Variants in COL6A5 observed in about 807,000 individuals in gnomAD.
The protein encoded by COL6A5 is collagen type VI alpha 5 chain, also known as collagen alpha-5(VI) chain.
A neutral mutation model predicts 65.6 loss-of-function variants in COL6A5; 48 were observed. That is an observed-to-expected ratio of 0.73 (90% CI 0.58 to 0.93). The LOEUF (loss-of-function observed/expected upper bound fraction) is 0.93. Among genes scored for constraint, COL6A5 ranks in the 40% least tolerant of loss-of-function variants. COL6A5 has a pLI of 0.00. For synonymous variants in COL6A5, 291 were observed against 322.8 expected, an observed-to-expected ratio of 0.90 and a Z score of 1.05; for missense variants, 914 against 928.3, an observed-to-expected ratio of 0.98 and a Z score of 0.20.
In COL6A5 at chr3:130,405,696, G is replaced by T. The variant is rs1419943103; in HGVS notation, c.4353+37G>T. The T allele has an allele frequency of 2.1e-6, 3 of 1,442,788 alleles. No homozygotes were observed. The Admixed American group carries it at 6.0e-5, about 29-fold the overall frequency. 89.4% of individuals were successfully genotyped at this position (1,442,788 alleles called of 1,614,324 possible). A position where few individuals can be genotyped will look rare whatever the true frequency, so the allele number is the denominator to read the frequency against. On this transcript the variant is annotated intron_variant and NMD_transcript_variant, in intron 14 of 41. Transcript: ENST00000312481. ...CTGTAAATGTTATTTCCAATTCTCTGTAACATTCTCTCCCTCTCTTTCCCC... is the reference window on the plus strand; with the variant it reads ...CTGTAAATGTTATTTCCAATTCTCTTTAACATTCTCTCCCTCTCTTTCCCC...
At position 130,417,102 on chromosome 3, in the gene COL6A5, A is replaced by C. The variant is rs1168351282; in HGVS notation, c.4887+283A>C. ...CTCTCCTTGGCCCCCACCCCCCGAC[A>C]GACCCTAGTGTGTGATGTTCCCCTC... On this transcript the variant is annotated intron_variant and NMD_transcript_variant, in intron 24 of 41. Coordinates refer to the COL6A5 transcript ENST00000312481. 3.3e-5 allele frequency among the ~76,000 whole-genome samples: 5 copies of C among 150,532 alleles called. No homozygotes were observed. The East Asian group carries it at 9.9e-4, about 30-fold the overall frequency.
intron 28 of COL6A5, 52 bp from the exon 29 acceptor site, chr3:130,423,786 C>A: frequency 7.3e-7 from 1 of 1,363,396 alleles, no homozygotes; most frequent in Non-Finnish European, 1.0e-6. Context: ...TGAAGTAGTC[C>A]CCATAGATAG....
upstream of COL6A5, among the ~76,000 whole-genome samples, chr3:130,427,554 T>A (rs1339250687): frequency 6.6e-6 from 1 of 152,066 alleles, no homozygotes; most frequent in African/African-American, 2.4e-5. Context: ...AGTTTACATA[T>A]TTTAGGGGTA....
At chr3:130,472,061 C>T in intron 7 of COL6A5, 135 bp downstream of exon 40, 1 of 897,792 alleles carries the variant, frequency 1.1e-6, no homozygotes, top group Non-Finnish European at 1.6e-6. Context: ...GGCTTATCGT[C>T]TAAGGATCCA....
Position 130,398,112 on chromosome 3 carries a change from G to A in COL6A5, c.3991+1G>A. ...CAATCAGACAGGCTCAGAGAAGCAG[G>A]TATTGAGTTGTTGTTGTTTTTTTTT... On this transcript the variant is annotated splice_donor_variant and NMD_transcript_variant, in intron 10 of 41. Transcript: ENST00000312481. 7.2e-7 allele frequency: 1 copy of A among 1,386,298 alleles called. No homozygotes were observed. Among genetic ancestry groups the A allele is most frequent in the African/African-American group, 1.5e-5 (1 of 66,760 alleles). 85.9% of individuals were successfully genotyped at this position (1,386,298 alleles called of 1,614,324 possible).
chr3:130,469,314 G>A lies in COL6A5; in HGVS notation c.2066G>A (p.Gly689Asp), dbSNP rs771159314. ...GTGTCTCTGAGAGCCAAGTGTCAAG[G>A]CTACTCCATATTTGTGTTTTCCTTT... is the stretch of plus-strand genomic sequence containing the variant. The change falls in exon 6 of 8, where the codon GGC becomes GAC. Residue 689 changes from glycine to aspartate, a missense_variant. Coordinates refer to ENST00000512836, the Ensembl canonical transcript of COL6A5. 3.7e-5 allele frequency: 59 copies of A among 1,612,820 alleles called. No individual in the cohort carries two copies. The Admixed American group carries it at 9.2e-4, about 25-fold the overall frequency.
intron 7 of COL6A5, among the ~76,000 whole-genome samples, chr3:130,472,454 C>A (rs985055424): frequency 9.2e-5 from 14 of 151,944 alleles, no homozygotes; most frequent in Admixed American, 5.3e-4. Flanking sequence ...AATGGACCTA[C>A]AGCTAAAAGC....
chr3:130,467,182 A>G (rs375131050), intron 5 of COL6A5, among the ~76,000 whole-genome samples: 5 of 151,972 alleles, frequency 3.3e-5, no homozygotes, highest in Admixed American at 1.3e-4. Context: ...GAAGCAGTCA[A>G]TGTGTAATGA....
chr3:130,368,101 G>T (rs1440437957), intron 1 of COL6A5, among the ~76,000 whole-genome samples: 1 of 152,138 alleles, frequency 6.6e-6, no homozygotes, highest in Non-Finnish European at 1.5e-5. Flanking sequence ...GATTTGTAAG[G>T]CCTCTGCCTT....
chr3:130,462,565 G>T (rs1326784202), intron 5 of COL6A5, among the ~76,000 whole-genome samples: 1 of 152,034 alleles, frequency 6.6e-6, no homozygotes, highest in Non-Finnish European at 1.5e-5. Flanking sequence ...CAAAAACCTT[G>T]TAAGATTGTA....
rs1281273020 is a variant in COL6A5 at position 130,426,237 on chromosome 3, GC to G, written c.5189del (p.Pro1730LeufsTer8). ...AGGGCATTAAAGGCATGGCAGGGCAGCCTGTATATTCTGTATGTATCTCCTT... is the reference window on the plus strand; with the variant it reads ...AGGGCATTAAAGGCATGGCAGGGCAGCTGTATATTCTGTATGTATCTCCTT... On this transcript the variant is annotated frameshift_variant and NMD_transcript_variant, in exon 30 of 42. Transcript: ENST00000312481. 3.2e-6 allele frequency: 5 copies of G among 1,551,212 alleles called. No individual in the cohort carries two copies. The African/African-American group carries it at 6.8e-5, about 21-fold the overall frequency.
chr3:130,432,098 T>C, intron 1 of COL6A5, 149 bp downstream of exon 33: 1 of 799,630 alleles, frequency 1.3e-6, no homozygotes, highest in Non-Finnish European at 1.9e-6. Context: ...TGTCAATGTC[T>C]GTGAAATCCA....
At chr3:130,404,074 A>G (rs1037530605) in intron 13 of COL6A5, among the ~76,000 whole-genome samples, 27 of 152,178 alleles carry the variant, frequency 1.8e-4, no homozygotes, top group Admixed American at 1.0e-3. Context: ...CCTAAAACCC[A>G]GTGCTTAGTA....
intron 4 of COL6A5, among the ~76,000 whole-genome samples, chr3:130,444,716 T>A (rs927908438): frequency 2.6e-5 from 4 of 152,172 alleles, no homozygotes; most frequent in Non-Finnish European, 5.9e-5. Flanking sequence ...GAGCCCCCAA[T>A]AGACTTAATC....
intron 20 of COL6A5, 74 bp downstream of exon 20, chr3:130,410,598 G>A (rs143584602): frequency 1.6e-6 from 2 of 1,288,452 alleles, no homozygotes; most frequent in Admixed American, 2.1e-5. Flanking sequence ...AATATTTGTT[G>A]TGCACAGTTG....
At position 130,370,254 on chromosome 3, in the gene COL6A5, G is replaced by A. The variant is rs551516340; in HGVS notation, c.-28-3357G>A. Among the ~76,000 whole-genome samples the A allele has an allele frequency of 2.6e-5, 4 of 152,152 alleles. No homozygotes were observed. The East Asian group carries it at 5.8e-4, about 22-fold the overall frequency. ...AAATATTTTTTTCACTTTTCCTTTG[G>A]CATGGGAAACTTTGAATTTTGGAAA... On this transcript the variant is annotated intron_variant and NMD_transcript_variant, in intron 1 of 41. Transcript: ENST00000312481.
At chr3:130,362,890 C>A (rs947895209) in intron 1 of COL6A5, among the ~76,000 whole-genome samples, 1 of 152,130 alleles carries the variant, frequency 6.6e-6, no homozygotes, top group Non-Finnish European at 1.5e-5. Flanking sequence ...CTTTCTCTAT[C>A]CAATTTCTTT....
At chr3:130,446,258 TGCAGGAG>T (rs1709301112) in intron 4 of COL6A5, among the ~76,000 whole-genome samples, 1 of 151,736 alleles carries the variant, frequency 6.6e-6, no homozygotes, top group East Asian at 1.9e-4. Flanking sequence ...TGTAGATTTC[TGCAGGAG>T]CATCTATCCA....
chr3:130,423,719 A>G, intron 28 of COL6A5, 119 bp from the exon 29 acceptor site: 1 of 656,652 alleles, frequency 1.5e-6, no homozygotes, highest in Non-Finnish European at 2.5e-6. Context: ...CCTGACTTCA[A>G]TTAATAGCTG....
Sources: gnomAD v4.1 joint callset for allele counts (sites outside exome capture counted in the v4.1 genomes callset) on GRCh38, gnomAD v4.1.1 for gene constraint, MANE v1.5 for transcripts, NCBI Gene and HGNC (gene_info 2026-07-23, HGNC 2026-07-21) for gene names.